The following RBPMS variants were observed in gnomAD, a reference collection of about 807,000 sequenced individuals.
The protein encoded by RBPMS is RNA binding protein, mRNA processing factor.
A neutral mutation model predicts 26.8 loss-of-function variants in RBPMS; 7 were observed. The observed-to-expected ratio is 0.26, with a 90% CI of 0.15 to 0.49. The LOEUF is 0.49. RBPMS is among the 20% of genes least tolerant of loss of function. The probability of loss-of-function intolerance (pLI) is 0.98; values close to 1 mark genes in which losing one functional copy is unlikely to be tolerated. For missense variants in RBPMS, 186 were observed against 250.0 expected (o/e 0.74, Z 1.73); for synonymous variants, 96 against 93.3 (o/e 1.03, Z -0.17).
At chr8:30,547,505 CAG>C in intron 6 of RBPMS, 1 of 1,537,654 alleles carries the variant, frequency 6.5e-7, no homozygotes, top group Non-Finnish European at 8.7e-7. Flanking sequence ...AAATTTTAAT[CAG>C]AGCAAAAATG....
chr8:30,472,986 C>A (rs1339515668), intron 1 of RBPMS, among the ~76,000 whole-genome samples: 1 of 152,168 alleles, frequency 6.6e-6, no homozygotes, highest in African/African-American at 2.4e-5. Context: ...GAGGAAAAAT[C>A]TTTCATGTAT....
intron 5 of RBPMS, among the ~76,000 whole-genome samples, chr8:30,509,090 A>G (rs761032616): frequency 6.6e-5 from 10 of 152,200 alleles, no homozygotes; most frequent in Non-Finnish European, 7.3e-5. Context: ...TAAAAAAATA[A>G]TAATTGTTCT....
At chr8:30,567,732 GAA>G (rs1827998123) in intron 8 of RBPMS, among the ~76,000 whole-genome samples, 1 of 152,238 alleles carries the variant, frequency 6.6e-6, no homozygotes, top group African/African-American at 2.4e-5. Flanking sequence ...GCAGGAGACA[GAA>G]AAGAGGGGAC....
chr8:30,463,629 G>C (rs904611388), intron 1 of RBPMS, among the ~76,000 whole-genome samples: 1 of 152,234 alleles, frequency 6.6e-6, no homozygotes, highest in African/African-American at 2.4e-5. Context: ...CTTAAGTGAA[G>C]CCATGCTAAA....
At chr8:30,499,188 A>G (rs1196231396) in intron 4 of RBPMS, among the ~76,000 whole-genome samples, 1 of 152,114 alleles carries the variant, frequency 6.6e-6, no homozygotes, top group Non-Finnish European at 1.5e-5. Flanking sequence ...AATTGCTTAA[A>G]CACAGGAGGT....
chr8:30,432,014 G>T (rs1308469849), intron 1 of RBPMS, among the ~76,000 whole-genome samples: 1 of 151,914 alleles, frequency 6.6e-6, no homozygotes, highest in East Asian at 1.9e-4. Context: ...TGAGGTCCCA[G>T]CTACTTGGGA....
chr8:30,408,362 C>T (rs1395189162), intron 1 of RBPMS, among the ~76,000 whole-genome samples: 1 of 152,176 alleles, frequency 6.6e-6, no homozygotes, highest in African/African-American at 2.4e-5. Flanking sequence ...AACTCTGTCT[C>T]TACTAAAAGT....
At chr8:30,512,594 G>A (rs535658987) in intron 5 of RBPMS, among the ~76,000 whole-genome samples, 41 of 151,686 alleles carry the variant, frequency 2.7e-4, no homozygotes, top group Admixed American at 4.6e-4. Context: ...GCTGAAGCCC[G>A]AGTGATCCTC....
At chr8:30,504,176 T>G in intron 4 of RBPMS, 110 bp from the exon 5 acceptor site, 1 of 1,122,798 alleles carries the variant, frequency 8.9e-7, no homozygotes, top group Non-Finnish European at 1.3e-6. Flanking sequence ...GAGTGGTTGC[T>G]GACCTTTTTT....
intron 1 of RBPMS, among the ~76,000 whole-genome samples, chr8:30,463,628 A>G (rs2150788571): frequency 6.6e-6 from 1 of 152,350 alleles, no homozygotes; most frequent in South Asian, 2.1e-4. Flanking sequence ...ACTTAAGTGA[A>G]GCCATGCTAA....
chr8:30,556,388 G>T (rs759929306), intron 6 of RBPMS: 14 of 985,644 alleles, frequency 1.4e-5, no homozygotes, highest in Non-Finnish European at 1.7e-5. Context: ...GAGTGAGAAC[G>T]TGAGGGCTGT....
At chr8:30,519,185 G>A (rs534516251) in intron 5 of RBPMS, among the ~76,000 whole-genome samples, 15 of 152,148 alleles carry the variant, frequency 9.9e-5, no homozygotes, top group African/African-American at 3.4e-4. Context: ...GGTTTTATCT[G>A]CTTGGAGGGT....
intron 5 of RBPMS, among the ~76,000 whole-genome samples, chr8:30,526,021 G>A (rs538394535): frequency 2.0e-5 from 3 of 152,226 alleles, no homozygotes; most frequent in Non-Finnish European, 4.4e-5. Flanking sequence ...ATGTCCTTTT[G>A]ATGAAAAGCC....
chr8:30,508,652 T>A (rs1017350808), intron 5 of RBPMS, among the ~76,000 whole-genome samples: 7 of 152,194 alleles, frequency 4.6e-5, no homozygotes, highest in Admixed American at 6.5e-5. Context: ...ACCATAGTTT[T>A]ATTTTTATGT....
chr8:30,392,945 G>A (rs992304954), intron 1 of RBPMS, among the ~76,000 whole-genome samples: 2 of 152,164 alleles, frequency 1.3e-5, no homozygotes, highest in South Asian at 2.1e-4. Context: ...AATTGAAAGC[G>A]TGCATACTGG....
chr8:30,559,352 GATTT>G (rs1049704659), intron 7 of RBPMS, among the ~76,000 whole-genome samples: 5 of 152,226 alleles, frequency 3.3e-5, no homozygotes, highest in South Asian at 2.1e-4. Context: ...GATTATGGGA[GATTT>G]ATTAGAATGA....
intron 1 of RBPMS, among the ~76,000 whole-genome samples, chr8:30,386,759 G>C (rs138411975): frequency 6.6e-6 from 1 of 152,196 alleles, no homozygotes; most frequent in East Asian, 1.9e-4. Flanking sequence ...CATCGCTTCA[G>C]AAATCTTTCT....
rs953142842 is a variant in RBPMS at position 30,479,803 on chromosome 8, A to T, written c.246+426A>T. On this transcript the variant is annotated intron_variant, in intron 4 of 8. Transcript: ENST00000397323. ...ATTTCATGAGGCTTTCCTTTTAGATATGCAGCATTAAAAAAAAAAAACTGG... is the reference window on the plus strand; with the variant it reads ...ATTTCATGAGGCTTTCCTTTTAGATTTGCAGCATTAAAAAAAAAAAACTGG... Among the ~76,000 whole-genome samples the T allele has an allele frequency of 7.0e-5, 6 of 85,664 alleles. No individual in the cohort carries two copies. In the Admixed American group the frequency reaches 7.3e-4, roughly 10 times the overall value. 56.2% of individuals were successfully genotyped at this position (85,664 alleles called of 152,430 possible). A position where few individuals can be genotyped will look rare whatever the true frequency, so the allele number is the denominator to read the frequency against.
At chr8:30,522,298 G>A (rs1823134968) in intron 5 of RBPMS, among the ~76,000 whole-genome samples, 2 of 151,040 alleles carry the variant, frequency 1.3e-5, no homozygotes, top group South Asian at 2.1e-4. Flanking sequence ...ATCCAGCCTG[G>A]GCAACAAGAA....
Sources: allele counts gnomAD v4.1 joint callset (sites outside exome capture counted in the v4.1 genomes callset), GRCh38; gene constraint gnomAD v4.1.1; transcripts MANE v1.5; gene names NCBI Gene and HGNC (gene_info 2026-07-23, HGNC 2026-07-21).